NXN: variants seen among roughly 807,000 people sequenced by gnomAD.
The protein encoded by NXN is nucleoredoxin, also known as nucleoredoxin 1.
Under a neutral mutation model 48.6 loss-of-function variants are expected in NXN, and 16 were observed. That is an observed-to-expected ratio of 0.33 (90% CI 0.22 to 0.50). NXN has a LOEUF of 0.50. NXN is among the 20% of genes least tolerant of loss of function. The pLI, the probability that NXN is intolerant of heterozygous loss-of-function variation, is 0.98. For missense variants in NXN, 492 were observed against 605.5 expected (o/e 0.81, Z 1.97); for synonymous variants, 281 against 269.6 (o/e 1.04, Z -0.41).
chr17:801,090 A>C lies in NXN; in HGVS notation c.1167T>G (p.Pro389=), dbSNP rs1911177507. The change falls in exon 8 of 8, where the codon CCT becomes CCG. Residue 389 remains proline, a synonymous_variant. Coordinates refer to ENST00000336868, the MANE Select transcript of NXN (RefSeq NM_022463.5). ...TDSLRDYTNL[P]EAAPLLTILD... ...GGATGGTGAGCAAAGGGGCAGCCTC[A>C]GGCAGGTTGGTGTAATCTCGCAGGG... The C allele has an allele frequency of 1.3e-6, 2 of 1,572,206 alleles. No homozygotes were observed. The highest frequency in any genetic ancestry group is 2.4e-5 in the South Asian group (2 of 85,020).
intron 5 of NXN, among the ~76,000 whole-genome samples, chr17:810,564 C>T (rs955170709): frequency 9.2e-5 from 14 of 152,128 alleles, no homozygotes; most frequent in Admixed American, 7.2e-4. Flanking sequence ...TCCCTCCTCC[C>T]GGCTCCCCCA....
At position 956,710 on chromosome 17, in the gene NXN, T is replaced by A. The variant is rs1429636013; in HGVS notation, c.360+22609A>T. 6.6e-6 allele frequency among the ~76,000 whole-genome samples: 1 copy of A among 152,186 alleles called. No homozygotes were observed. Among genetic ancestry groups the A allele is most frequent in the Non-Finnish European group, 1.5e-5 (1 of 68,030 alleles). ...GATTACAGGCGTGAGCCACCGCGCCTGGCCAAGAGCTTTTTATATCAGTCA... is the reference window on the plus strand; with the variant it reads ...GATTACAGGCGTGAGCCACCGCGCCAGGCCAAGAGCTTTTTATATCAGTCA... On this transcript the variant is annotated intron_variant, in intron 1 of 7. Coordinates refer to ENST00000336868, the MANE Select transcript of NXN (RefSeq NM_022463.5). The surrounding 1 kb of genome is among the most constrained non-coding windows in gnomAD (Gnocchi z 4.1).
rs59822805 is a variant in NXN at position 909,098 on chromosome 17, C to CAAAAAAA, written c.360+70214_360+70220dup. Among the ~76,000 whole-genome samples, 86 of 117,356 alleles carry CAAAAAAA rather than the reference C, an allele frequency of 7.3e-4. 1 individual carries two copies. The highest frequency in any genetic ancestry group is 1.0e-3 in the East Asian group (4 of 3,826). The allele number at this position is 117,356 out of a possible 152,430, so 77.0% of individuals were successfully genotyped here. ...TGGGCGACAGAGTGAGACTTCGTCT[C>CAAAAAAA]AAAAAAAAAAAAAAAAAAAAAAAAA... On this transcript the variant is annotated intron_variant, in intron 1 of 7. Transcript: ENST00000336868.
chr17:853,122 C>CG (rs1404419960), intron 1 of NXN, among the ~76,000 whole-genome samples: 1 of 151,982 alleles, frequency 6.6e-6, no homozygotes, highest in Non-Finnish European at 1.5e-5. Flanking sequence ...GGACCACAGG[C>CG]GCCCACCACC....
intron 1 of NXN, among the ~76,000 whole-genome samples, chr17:839,978 T>A (rs773301500): frequency 1.5e-4 from 22 of 150,490 alleles, no homozygotes; most frequent in Non-Finnish European, 3.1e-4. Context: ...GTGCCTGTAA[T>A]CCCAGCTACT....
intron 1 of NXN, among the ~76,000 whole-genome samples, chr17:858,360 TAA>T (rs1445158965): frequency 2.6e-5 from 4 of 152,056 alleles, no homozygotes; most frequent in Admixed American, 2.6e-4. Context: ...AAGAAAAATG[TAA>T]GTAAATGGTA....
intron 1 of NXN, among the ~76,000 whole-genome samples, chr17:947,368 TAC>T (rs983770559): frequency 2.0e-5 from 3 of 152,160 alleles, no homozygotes; most frequent in African/African-American, 7.2e-5. Flanking sequence ...GAGCTGATTT[TAC>T]ACAGTTATGG....
chr17:815,142 T>C (rs1912396105), intron 5 of NXN, among the ~76,000 whole-genome samples: 2 of 152,220 alleles, frequency 1.3e-5, no homozygotes, highest in African/African-American at 4.8e-5. Context: ...AAATTCAAAG[T>C]ATACAAAAGA....
chr17:803,342 T>C (rs1462770095), intron 7 of NXN, among the ~76,000 whole-genome samples: 2 of 152,178 alleles, frequency 1.3e-5, no homozygotes, highest in Admixed American at 1.3e-4. Flanking sequence ...ACCCAGCATT[T>C]TGTAAAGACT....
intron 4 of NXN, among the ~76,000 whole-genome samples, 172 bp from the exon 5 acceptor site, chr17:819,717 T>C (rs2144634057): frequency 6.6e-6 from 1 of 152,226 alleles, no homozygotes. Flanking sequence ...CCGGCTGGTG[T>C]CCACCAAGAA....
At chr17:955,711 A>G (rs1049792645) in intron 1 of NXN, among the ~76,000 whole-genome samples, 1 of 150,940 alleles carries the variant, frequency 6.6e-6, no homozygotes, top group Non-Finnish European at 1.5e-5. Flanking sequence ...CCTGGCTAAC[A>G]CGGTGAAACC....
intron 1 of NXN, among the ~76,000 whole-genome samples, chr17:831,473 ATTTAT>A (rs773884706): frequency 0.4 from 50,311 of 126,028 alleles, 8,966 homozygotes; most frequent in African/African-American, 0.54. Flanking sequence ...TTATTTATTT[ATTTAT>A]TTATTATTTT....
chr17:801,180 G>T, intron 7 of NXN, 49 bp from the exon 8 acceptor site: 2 of 1,427,452 alleles, frequency 1.4e-6, no homozygotes, highest in Non-Finnish European at 9.3e-7. Flanking sequence ...AAAGAAAGGA[G>T]GGGGAGAGTC....
chr17:973,560 T>C (rs920904511), intron 1 of NXN, among the ~76,000 whole-genome samples: 3 of 152,340 alleles, frequency 2.0e-5, no homozygotes, highest in Non-Finnish European at 2.9e-5. Flanking sequence ...CATTGGCAGA[T>C]AGAAATACAG....
chr17:822,337 C>T lies in NXN; in HGVS notation c.713+20G>A. 1 of 1,564,564 alleles carries T rather than the reference C, an allele frequency of 6.4e-7. No individual in the cohort carries two copies. Among genetic ancestry groups the T allele is most frequent in the Non-Finnish European group, 8.8e-7 (1 of 1,136,088 alleles). On this transcript the variant is annotated intron_variant, in intron 4 of 7. Transcript: ENST00000336868. ...AGCTACCTACAGAAAAGGGGCCCAG[C>T]ACTTCACGGCACGACTGACCTGTCT... is the stretch of plus-strand genomic sequence containing the variant.
chr17:832,353 ATT>A (rs577293334), intron 1 of NXN, among the ~76,000 whole-genome samples: 48 of 143,408 alleles, frequency 3.3e-4, no homozygotes, highest in African/African-American at 9.5e-4. Flanking sequence ...ACTATTTTGT[ATT>A]TTTTTTTTTT....
intron 1 of NXN, among the ~76,000 whole-genome samples, chr17:835,233 A>C (rs557483198): frequency 6.6e-6 from 1 of 150,816 alleles, no homozygotes; most frequent in Non-Finnish European, 1.5e-5. Flanking sequence ...GCGTGAACCC[A>C]GGAGGCGGAG....
Position 936,930 on chromosome 17 carries a change from C to T in NXN, c.360+42389G>A, listed in dbSNP as rs1050751515. ...AGAAAAGAGGCAGAAAGGCCGGGTA[C>T]GGTGGCTCACGCCTGTAATCCCAGC... On this transcript the variant is annotated intron_variant, in intron 1 of 7. Transcript: ENST00000336868. 5.9e-4 allele frequency among the ~76,000 whole-genome samples: 89 copies of T among 152,042 alleles called. 1 individual carries two copies. Among genetic ancestry groups the T allele is most frequent in the Non-Finnish European group, 5.9e-5 (4 of 67,980 alleles).
chr17:907,454 C>T (rs2068591642), intron 1 of NXN, among the ~76,000 whole-genome samples: 1 of 151,974 alleles, frequency 6.6e-6, no homozygotes, highest in Admixed American at 6.6e-5. Flanking sequence ...ATTCTCCTGC[C>T]TCAGCCTCCC....
Sources: gnomAD v4.1 joint callset for allele counts (sites outside exome capture counted in the v4.1 genomes callset) on GRCh38, gnomAD v4.1.1 for gene constraint, Gnocchi (gnomAD v3.1) non-coding constraint, MANE v1.5 for transcripts, NCBI Gene and HGNC (gene_info 2026-07-23, HGNC 2026-07-21) for gene names.